The following PRKCB variants were observed in gnomAD, a reference collection of about 807,000 sequenced individuals.
PRKCB encodes protein kinase C beta, also known as protein kinase C beta type.
Under a neutral mutation model 81.5 loss-of-function variants are expected in PRKCB, and 13 were observed. The ratio of observed to expected loss-of-function variants is 0.16; its 90% CI spans 0.10 to 0.25. The LOEUF is 0.25. PRKCB is among the 10% of genes least tolerant of loss of function. The pLI, the probability that PRKCB is intolerant of heterozygous loss-of-function variation, is 1.00. For missense variants in PRKCB, 509 were observed against 875.7 expected, an observed-to-expected ratio of 0.58 and a Z score of 5.29; for synonymous variants, 335 against 321.4, an observed-to-expected ratio of 1.04 and a Z score of -0.45.
At position 24,185,196 on chromosome 16, in the gene PRKCB, T is replaced by A; in HGVS notation, c.1614+5T>A. 6.2e-7 allele frequency: 1 copy of A among 1,612,754 alleles called. No homozygotes were observed. Among genetic ancestry groups the A allele is most frequent in the East Asian group, 2.2e-5 (1 of 44,880 alleles). On this transcript the variant is annotated splice_donor_5th_base_variant and intron_variant, in intron 14 of 16. Transcript: ENST00000643927. ...TATGAAATGTTGGCTGGGCAGGTAA[T>A]TGAATTTTAAGTGATCGATAAGAGA...
intron 2 of PRKCB, among the ~76,000 whole-genome samples, chr16:23,940,858 C>T (rs1964133023): frequency 6.6e-6 from 1 of 152,182 alleles, no homozygotes; most frequent in South Asian, 2.1e-4. Context: ...TATTTACTCT[C>T]TCAGTCTCAA....
chr16:23,877,542 C>T (rs1963035223), intron 2 of PRKCB, among the ~76,000 whole-genome samples: 1 of 152,162 alleles, frequency 6.6e-6, no homozygotes, highest in Non-Finnish European at 1.5e-5. Flanking sequence ...AAGTCGGCCT[C>T]AACCTGAAGC....
intron 2 of PRKCB, among the ~76,000 whole-genome samples, chr16:23,889,291 C>T (rs1466276896): frequency 6.6e-6 from 1 of 152,190 alleles, no homozygotes; most frequent in Non-Finnish European, 1.5e-5. Context: ...AGTTTTAAAA[C>T]CTCTCCTTGT....
rs56101263 is a variant in PRKCB, at chr16:23,901,261, T to G, written c.205+63855T>G. ...CAAGAGCCTCTCTCTCTGCAGCCAG[T>G]CCTTTATGATCGATCATACCCACCC... On this transcript the variant is annotated intron_variant, in intron 2 of 16. Coordinates refer to ENST00000643927, the MANE Select transcript of PRKCB (RefSeq NM_002738.7). Among the ~76,000 whole-genome samples, 706 of 152,144 alleles carry G rather than the reference T, an allele frequency of 4.6e-3. 5 individuals carry two copies. The highest frequency in any genetic ancestry group is 7.5e-3 in the Non-Finnish European group (507 of 68,004).
At chr16:24,164,975 C>T (rs866191284) in intron 10 of PRKCB, among the ~76,000 whole-genome samples, 2 of 152,154 alleles carry the variant, frequency 1.3e-5, no homozygotes, top group Admixed American at 1.3e-4. Context: ...TTTAGTTAGC[C>T]GAAGCCCCCA....
intron 5 of PRKCB, among the ~76,000 whole-genome samples, chr16:24,037,017 C>T (rs1356464578): frequency 1.3e-5 from 2 of 152,204 alleles, no homozygotes; most frequent in African/African-American, 4.8e-5. Context: ...GAGAGGGAGA[C>T]TCCATCTGTT....
At chr16:24,136,728 C>T (rs1269597518) in intron 9 of PRKCB, among the ~76,000 whole-genome samples, 3 of 152,168 alleles carry the variant, frequency 2.0e-5, no homozygotes, top group Non-Finnish European at 4.4e-5. Flanking sequence ...CTTTTCCAAC[C>T]ATCCATCAGG....
chr16:23,866,937 C>A (rs1962799805), intron 2 of PRKCB, among the ~76,000 whole-genome samples: 1 of 149,680 alleles, frequency 6.7e-6, no homozygotes, highest in Admixed American at 6.7e-5. Flanking sequence ...TCTTCCCTTC[C>A]CTTCCCCTTC....
intron 13 of PRKCB, among the ~76,000 whole-genome samples, 162 bp downstream of exon 13, chr16:24,181,090 A>G (rs1297963913): frequency 6.6e-6 from 1 of 152,184 alleles, no homozygotes; most frequent in East Asian, 1.9e-4. Flanking sequence ...CACACATGCA[A>G]ATTAATTTAG....
intron 2 of PRKCB, among the ~76,000 whole-genome samples, chr16:23,862,155 A>T (rs1027297505): frequency 6.6e-6 from 1 of 152,148 alleles, no homozygotes. Context: ...ATTCATTCGT[A>T]TTTCTCTGAA....
At chr16:23,837,874 G>C (rs1962195008) in intron 2 of PRKCB, among the ~76,000 whole-genome samples, 1 of 152,174 alleles carries the variant, frequency 6.6e-6, no homozygotes, top group African/African-American at 2.4e-5. Flanking sequence ...CCCTAGAAAG[G>C]CGACTGTGTT....
intron 13 of PRKCB, 66 bp from the exon 14 acceptor site, chr16:24,185,045 T>G: frequency 7.5e-7 from 1 of 1,328,746 alleles, no homozygotes; most frequent in South Asian, 1.2e-5. Flanking sequence ...AAAAGAAGAG[T>G]GAAATCTGTC....
At chr16:24,070,532 A>T (rs1596536129) in intron 5 of PRKCB, among the ~76,000 whole-genome samples, 1 of 152,174 alleles carries the variant, frequency 6.6e-6, no homozygotes, top group East Asian at 1.9e-4. Context: ...CCAGGCACCT[A>T]ATAGAACAGA....
intron 2 of PRKCB, among the ~76,000 whole-genome samples, chr16:23,925,561 A>G (rs1963884946): frequency 6.6e-6 from 1 of 152,042 alleles, no homozygotes; most frequent in Non-Finnish European, 1.5e-5. Context: ...AAGTGCCGAA[A>G]CCCAGCATCC....
intron 2 of PRKCB, among the ~76,000 whole-genome samples, chr16:23,941,439 A>C (rs865784935): frequency 6.6e-6 from 1 of 152,212 alleles, no homozygotes; most frequent in African/African-American, 2.4e-5. Flanking sequence ...ACAAAAATCT[A>C]ACAAAGATAA....
At chr16:23,931,032 C>G (rs953737823) in intron 2 of PRKCB, among the ~76,000 whole-genome samples, 1 of 152,324 alleles carries the variant, frequency 6.6e-6, no homozygotes, top group Middle Eastern at 3.4e-3. Context: ...ATGGGCTTAT[C>G]CCCTGGAGCA....
chr16:24,094,852 G>T (rs1966420390), intron 7 of PRKCB, among the ~76,000 whole-genome samples: 2 of 139,502 alleles, frequency 1.4e-5, no homozygotes, highest in Admixed American at 1.4e-4. Context: ...AGGAAGGAAG[G>T]AAAGGAAGAA....
At chr16:24,158,866 A>G (rs1967210359) in intron 10 of PRKCB, among the ~76,000 whole-genome samples, 1 of 152,036 alleles carries the variant, frequency 6.6e-6, no homozygotes, top group Admixed American at 6.6e-5. Flanking sequence ...TTGCTATGTT[A>G]CCTAGGCTGG....
intron 2 of PRKCB, among the ~76,000 whole-genome samples, chr16:23,862,824 C>T (rs1962696260): frequency 6.6e-6 from 1 of 151,878 alleles, no homozygotes; most frequent in Non-Finnish European, 1.5e-5. Flanking sequence ...GGGCTGCATT[C>T]CCAGAAAGAA....
Sources: allele counts gnomAD v4.1 joint callset (sites outside exome capture counted in the v4.1 genomes callset), GRCh38; gene constraint gnomAD v4.1.1; transcripts MANE v1.5; gene names NCBI Gene and HGNC (gene_info 2026-07-23, HGNC 2026-07-21).